Variants in ITSN2 observed in about 807,000 individuals in gnomAD.
The protein encoded by ITSN2 is intersectin 2, also known as intersectin-2.
ITSN2 carries 156 observed loss-of-function variants against 243.7 expected under a neutral mutation model. The observed-to-expected ratio is 0.64, with a 90% CI of 0.56 to 0.73. ITSN2 has a LOEUF of 0.73. ITSN2 is among the 30% of genes least tolerant of loss of function. The probability of loss-of-function intolerance (pLI) is 0.00; values close to 1 mark genes in which losing one functional copy is unlikely to be tolerated. For missense variants in ITSN2, 1,801 were observed against 1,996.1 expected (o/e 0.90, Z 1.86); for synonymous variants, 703 against 699.9 (o/e 1.00, Z -0.07).
intron 9 of ITSN2, among the ~76,000 whole-genome samples, chr2:24,302,599 T>C (rs1397850998): frequency 6.6e-6 from 1 of 152,192 alleles, no homozygotes; most frequent in Non-Finnish European, 1.5e-5. Flanking sequence ...CACTATTGAA[T>C]GTAAGTATGT....
chr2:24,306,928 C>T (rs535273469), intron 8 of ITSN2, among the ~76,000 whole-genome samples: 2 of 152,146 alleles, frequency 1.3e-5, no homozygotes, highest in South Asian at 2.1e-4. Flanking sequence ...GCCTCAGCCT[C>T]CAGAGTAGCT....
chr2:24,317,971 A>G (rs906565481), intron 2 of ITSN2, among the ~76,000 whole-genome samples: 3 of 152,156 alleles, frequency 2.0e-5, no homozygotes, highest in Non-Finnish European at 2.9e-5. Flanking sequence ...TTTTTAGAGC[A>G]GTTTTAGGTT....
chr2:24,361,192 C>T (rs1688984219), upstream of ITSN2, among the ~76,000 whole-genome samples: 1 of 152,158 alleles, frequency 6.6e-6, no homozygotes, highest in Non-Finnish European at 1.5e-5. Flanking sequence ...AAGACTCTGT[C>T]CCCATAGAGC....
chr2:24,300,765 G>C (rs567663422), intron 11 of ITSN2, among the ~76,000 whole-genome samples: 4 of 151,922 alleles, frequency 2.6e-5, no homozygotes, highest in African/African-American at 9.7e-5. Context: ...AAGCTGTGTG[G>C]TTATACATTT....
In ITSN2 at chr2:24,204,537, AG is replaced by A; in HGVS notation, c.4763-120del. On this transcript the variant is annotated intron_variant, in intron 38 of 39. Coordinates refer to ENST00000355123, the MANE Select transcript of ITSN2 (RefSeq NM_006277.3). This position sits in a 1 kb window ranked among gnomAD's most constrained non-coding sequence, Gnocchi z 5.1. ...ATGGGTCACTCGAGACCATGGCAGC[AG>A]GAGCCGCTGCCTGGGGCACCATATC... The A allele has an allele frequency of 1.1e-6, 1 of 894,674 alleles. No homozygotes were observed. Among genetic ancestry groups the A allele is most frequent in the Non-Finnish European group, 1.9e-6 (1 of 538,528 alleles). 55.4% of individuals were successfully genotyped at this position (894,674 alleles called of 1,614,324 possible). A position where few individuals can be genotyped will look rare whatever the true frequency, so the allele number is the denominator to read the frequency against.
intron 29 of ITSN2, among the ~76,000 whole-genome samples, chr2:24,237,631 C>T (rs758051747): frequency 1.3e-5 from 2 of 152,164 alleles, no homozygotes; most frequent in Non-Finnish European, 2.9e-5. Context: ...GTTGGTGGCA[C>T]CATTATCCCA....
chr2:24,308,848 C>A, intron 7 of ITSN2, 92 bp from the exon 8 acceptor site: 1 of 846,920 alleles, frequency 1.2e-6, no homozygotes, highest in Non-Finnish European at 1.8e-6. Flanking sequence ...ATCTTATATA[C>A]CAGGGGTCCT....
rs1224346328 is a variant in ITSN2 at position 24,320,590 on chromosome 2, CTGT to C, written c.32-5369_32-5367del. Among the ~76,000 whole-genome samples the C allele has an allele frequency of 9.0e-4, 131 of 144,972 alleles. 1 individual carries two copies. Among genetic ancestry groups the C allele is most frequent in the Middle Eastern group, 3.8e-3 (1 of 260 alleles). On this transcript the variant is annotated intron_variant, in intron 2 of 39. Transcript: ENST00000355123. ...ATTAGCCAGTGGTGGTGGCTCACAC[CTGT>C]AATCCCAGCTACTTGGGAGGCTGAG...
At chr2:24,279,694 T>C (rs1414600958) in intron 17 of ITSN2, among the ~76,000 whole-genome samples, 2 of 151,864 alleles carry the variant, frequency 1.3e-5, no homozygotes, top group Non-Finnish European at 2.9e-5. Context: ...GGAGTTTTCG[T>C]TGCACTTCAC....
At chr2:24,316,986 C>T (rs1307750944) in intron 2 of ITSN2, among the ~76,000 whole-genome samples, 3 of 152,162 alleles carry the variant, frequency 2.0e-5, no homozygotes. Flanking sequence ...ACTTGAATTC[C>T]ACAAGGTGGG....
chr2:24,238,367 AG>A (rs1200972315), intron 29 of ITSN2, among the ~76,000 whole-genome samples: 1 of 152,226 alleles, frequency 6.6e-6, no homozygotes, highest in African/African-American at 2.4e-5. Flanking sequence ...AGATGAGGAA[AG>A]GCTTTTTGGA....
chr2:24,308,810 T>C (rs1682879280), intron 7 of ITSN2, 54 bp from the exon 8 acceptor site: 13 of 988,468 alleles, frequency 1.3e-5, no homozygotes, highest in Admixed American at 3.6e-5. Context: ...TATATTTAAT[T>C]AAATTTTATA....
chr2:24,292,521 A>C (rs1341857384), intron 15 of ITSN2, among the ~76,000 whole-genome samples: 1 of 152,196 alleles, frequency 6.6e-6, no homozygotes, highest in Non-Finnish European at 1.5e-5. Context: ...GAGACACAAT[A>C]AAAATAGTTC....
chr2:24,351,755 G>C (rs1214290971), intron 1 of ITSN2, among the ~76,000 whole-genome samples: 1 of 152,120 alleles, frequency 6.6e-6, no homozygotes, highest in Non-Finnish European at 1.5e-5. Context: ...CTGCCCATTA[G>C]TCACTTAGTA....
intron 1 of ITSN2, among the ~76,000 whole-genome samples, chr2:24,337,352 A>ATATATATATATATGTAATTTTTTTTTT (rs1686561808): frequency 8.0e-6 from 1 of 124,604 alleles, no homozygotes; most frequent in Admixed American, 8.4e-5. Flanking sequence ...ATATATATAT[A>ATATATATATATATGTAATTTTTTTTTT]TGTAATTTTT....
chr2:24,284,367 T>G (rs1679201074), intron 17 of ITSN2, among the ~76,000 whole-genome samples: 1 of 152,206 alleles, frequency 6.6e-6, no homozygotes, highest in Non-Finnish European at 1.5e-5. Context: ...TTGCCCTAGA[T>G]TTCATAAAGT....
chr2:24,314,725 A>G (rs528064337), intron 3 of ITSN2, among the ~76,000 whole-genome samples: 1 of 152,348 alleles, frequency 6.6e-6, no homozygotes, highest in East Asian at 1.9e-4. Flanking sequence ...CTGCAAAACA[A>G]GGGCTAGCAT....
At chr2:24,336,906 C>CA (rs1215022220) in intron 1 of ITSN2, among the ~76,000 whole-genome samples, 3 of 151,796 alleles carry the variant, frequency 2.0e-5, no homozygotes, top group Admixed American at 2.0e-4. Flanking sequence ...GTTGAGATAC[C>CA]AAAAAAGATG....
chr2:24,259,330 A>G (rs1319035999), intron 22 of ITSN2, among the ~76,000 whole-genome samples: 2 of 152,108 alleles, frequency 1.3e-5, no homozygotes, highest in Admixed American at 6.5e-5. Flanking sequence ...CCTCTTTCTT[A>G]TATCTTAATT....
Sources: gnomAD v4.1 joint callset for allele counts (sites outside exome capture counted in the v4.1 genomes callset) on GRCh38, gnomAD v4.1.1 for gene constraint, Gnocchi (gnomAD v3.1) non-coding constraint, MANE v1.5 for transcripts, NCBI Gene and HGNC (gene_info 2026-07-23, HGNC 2026-07-21) for gene names.